Variants in DOCK8 observed in about 807,000 individuals in gnomAD.
DOCK8 encodes dedicator of cytokinesis protein 8.
DOCK8 carries 141 observed loss-of-function variants against 245.6 expected under a neutral mutation model. The ratio of observed to expected loss-of-function variants is 0.57; its 90% confidence interval spans 0.50 to 0.66. The LOEUF (loss-of-function observed/expected upper bound fraction) is 0.66, where lower values mean the gene tolerates loss of function less well. Ranked by LOEUF, DOCK8 falls within the 30% of genes least tolerant of loss-of-function variation. DOCK8 has a pLI of 0.00. For missense variants in DOCK8, 2,965 were observed against 2,603.4 expected, an observed-to-expected ratio of 1.14 and a Z score of -3.02; for synonymous variants, 1,168 against 970.2, an observed-to-expected ratio of 1.20 and a Z score of -3.79.
intron 26 of DOCK8, among the ~76,000 whole-genome samples, chr9:402,903 C>G (rs928290322): frequency 1.7e-4 from 26 of 151,862 alleles, no homozygotes; most frequent in African/African-American, 5.5e-4. Context: ...TATTTTTTTT[C>G]TTTTGAGATG....
At chr9:245,319 C>T (rs541075080) in intron 1 of DOCK8, among the ~76,000 whole-genome samples, 1 of 152,262 alleles carries the variant, frequency 6.6e-6, no homozygotes, top group Non-Finnish European at 1.5e-5. Context: ...ATTCTCCTAC[C>T]TCAGCCTCCC....
chr9:374,047 G>A (rs1010241047), intron 18 of DOCK8, among the ~76,000 whole-genome samples: 2 of 152,306 alleles, frequency 1.3e-5, no homozygotes, highest in East Asian at 1.9e-4. Flanking sequence ...TCTGAGTCTC[G>A]AAGATGAAAC....
At chr9:341,468 T>G (rs1412825473) in intron 14 of DOCK8, among the ~76,000 whole-genome samples, 2 of 152,246 alleles carry the variant, frequency 1.3e-5, no homozygotes, top group Non-Finnish European at 2.9e-5. Context: ...ATGACATTGT[T>G]GTTTTCTGTG....
At chr9:461,462 A>G (rs576512811) in intron 46 of DOCK8, among the ~76,000 whole-genome samples, 1 of 149,676 alleles carries the variant, frequency 6.7e-6, no homozygotes, top group African/African-American at 2.5e-5. Context: ...TACTTCTCCA[A>G]TTATGTCTAG....
intron 25 of DOCK8, 62 bp from the exon 26 acceptor site, chr9:399,084 G>A: frequency 6.8e-7 from 1 of 1,480,030 alleles, no homozygotes; most frequent in African/African-American, 1.4e-5. Context: ...TCCCACCAGT[G>A]ACCTGGAAGT....
At chr9:257,622 C>T (rs558909758) in intron 1 of DOCK8, among the ~76,000 whole-genome samples, 2 of 152,302 alleles carry the variant, frequency 1.3e-5, no homozygotes, top group South Asian at 2.1e-4. Flanking sequence ...CAGGTTCAAG[C>T]GATTCTCCTG....
chr9:402,513 C>T (rs2055158802), intron 26 of DOCK8, among the ~76,000 whole-genome samples: 1 of 152,218 alleles, frequency 6.6e-6, no homozygotes, highest in Non-Finnish European at 1.5e-5. Flanking sequence ...TAGTGGCACT[C>T]AGGCCTCAGA....
chr9:328,589 G>A (rs570352181), intron 9 of DOCK8, among the ~76,000 whole-genome samples: 2 of 152,286 alleles, frequency 1.3e-5, no homozygotes, highest in African/African-American at 4.8e-5. Flanking sequence ...AAGCTGCTGT[G>A]GAGAAAGGAA....
At chr9:215,490 C>T in intron 1 of DOCK8, 1 of 1,460,642 alleles carries the variant, frequency 6.8e-7, no homozygotes, top group South Asian at 1.4e-5. Flanking sequence ...TGCAAGCCTT[C>T]TGTCGTCCTG....
rs1460417750 is a variant in DOCK8 at position 334,381 on chromosome 9, G to T, written c.1282G>T (p.Val428Phe). Residue 428 changes from valine to phenylalanine, a missense_variant, in exon 11 of 48, where the codon GTT becomes TTT. By Grantham distance (50) the Val-to-Phe change is conservative (BLOSUM62 -1). Around this residue, in one of 3 missense-constraint regions of DOCK8, gnomAD observed 2,825 missense variants for 2,453.5 expected, o/e 1.15. Coordinates refer to ENST00000432829, the MANE Select transcript of DOCK8 (RefSeq NM_203447.4). ...GGAGGTAACTGATGTGGACTCTGTG[G>T]TTGGTAAGATTTTCACCTGCAGTGG... ...EREVTDVDSV[V>F]GRSSVGERRT... is the part of the protein sequence containing the mutation. The T allele has an allele frequency of 1.9e-6, 3 of 1,612,278 alleles. No homozygotes were observed. The highest frequency in any genetic ancestry group is 1.7e-5 in the Admixed American group (1 of 59,936).
At chr9:325,227 A>G (rs910363920) in intron 7 of DOCK8, among the ~76,000 whole-genome samples, 11 of 152,210 alleles carry the variant, frequency 7.2e-5, no homozygotes, top group African/African-American at 2.2e-4. Context: ...TTGGTGGGCA[A>G]TTAGGTTGGT....
At chr9:211,851 G>C (rs530692742), upstream of DOCK8, among the ~76,000 whole-genome samples, 32 of 152,284 alleles carry the variant, frequency 2.1e-4, no homozygotes, top group South Asian at 4.4e-3. Flanking sequence ...TGACTCCAAA[G>C]TTTTAAACCT....
chr9:248,441 TTTCCCCTCCTTCCTTCC>T (rs1177517515), intron 1 of DOCK8, among the ~76,000 whole-genome samples: 2 of 149,060 alleles, frequency 1.3e-5, no homozygotes, highest in African/African-American at 4.9e-5. Context: ...TCCTTCTGTC[TTTCCCCTCCTTCCTTCC>T]TTCCTTCCTC....
At chr9:424,600 G>C (rs1586993772) in intron 33 of DOCK8, among the ~76,000 whole-genome samples, 1 of 152,038 alleles carries the variant, frequency 6.6e-6, no homozygotes, top group Non-Finnish European at 1.5e-5. Flanking sequence ...TGTAGAGACA[G>C]GGTTTCACCA....
chr9:329,408 A>C (rs1052127019), intron 9 of DOCK8, among the ~76,000 whole-genome samples: 1 of 152,130 alleles, frequency 6.6e-6, no homozygotes, highest in Non-Finnish European at 1.5e-5. Flanking sequence ...TAATTCAGGT[A>C]GCTTTGAGGT....
At chr9:270,110 T>C (rs766404059) in intron 1 of DOCK8, among the ~76,000 whole-genome samples, 1 of 152,240 alleles carries the variant, frequency 6.6e-6, no homozygotes, top group South Asian at 2.1e-4. Context: ...TTGATCTGCA[T>C]TTCCCATTTC....
intron 12 of DOCK8, 22 bp downstream of exon 12, chr9:336,740 T>C (rs1251938203): frequency 6.2e-7 from 1 of 1,613,768 alleles, no homozygotes; most frequent in Non-Finnish European, 8.5e-7. Flanking sequence ...CATTACAGTG[T>C]GTCTGGATTT....
In DOCK8 at chr9:305,120, T is replaced by A. The variant is rs561206658; in HGVS notation, c.528+416T>A. Among the ~76,000 whole-genome samples the A allele has an allele frequency of 6.6e-5, 10 of 152,322 alleles. No individual in the cohort carries two copies. In the South Asian group the frequency reaches 2.1e-3, roughly 32 times the overall value. On this transcript the variant is annotated intron_variant, in intron 5 of 47. Transcript: ENST00000432829. ...CTTCAAGCAGGATAATTAAACTTAT[T>A]GGGCTTCAGTTTCCTCCCCTGGGAA...
chr9:407,609 T>A (rs901538368), intron 28 of DOCK8, among the ~76,000 whole-genome samples: 6 of 143,930 alleles, frequency 4.2e-5, no homozygotes, highest in African/African-American at 1.6e-4. Context: ...TGTGGCAGTA[T>A]CTAGCCTAGA....
Sources: gnomAD v4.1 joint callset for allele counts (sites outside exome capture counted in the v4.1 genomes callset) on GRCh38, gnomAD v4.1.1 for gene constraint, gnomAD v4.1.1 regional missense constraint, MANE v1.5 for transcripts, NCBI Gene and HGNC (gene_info 2026-07-23, HGNC 2026-07-21) for gene names.